The following TMEM245 variants were observed in gnomAD, a reference collection of about 807,000 sequenced individuals.
TMEM245 encodes the protein transmembrane protein 245.
In TMEM245, 69 loss-of-function variants were observed where a neutral mutation model predicts 101.2. That is an observed-to-expected ratio of 0.68 (90% CI 0.56 to 0.83). TMEM245 has a LOEUF of 0.83. Among genes scored for constraint, TMEM245 ranks in the 40% least tolerant of loss-of-function variants. The pLI is 0.00. For synonymous variants in TMEM245, 537 were observed against 449.8 expected, an observed-to-expected ratio of 1.19 and a Z score of -2.45; for missense variants, 1,075 against 1,092.8, an observed-to-expected ratio of 0.98 and a Z score of 0.23.
intron 17 of TMEM245, among the ~76,000 whole-genome samples, chr9:109,029,543 A>T (rs950937316): frequency 6.6e-6 from 1 of 152,252 alleles, no homozygotes; most frequent in Non-Finnish European, 1.5e-5. Flanking sequence ...TATCGGATTA[A>T]GTTTGACATT....
intron 14 of TMEM245, among the ~76,000 whole-genome samples, chr9:109,042,839 A>ATTTTTT (rs754295748): frequency 1.3e-4 from 15 of 115,522 alleles, no homozygotes; most frequent in East Asian, 5.7e-4. Flanking sequence ...ATAGCTGACA[A>ATTTTTT]TTTTTTTTTT....
At chr9:109,073,856 G>GTT (rs904054098) in intron 8 of TMEM245, among the ~76,000 whole-genome samples, 1,387 of 119,760 alleles carry the variant, frequency 0.012, 43 homozygotes, top group Admixed American at 0.018. Context: ...TTTTTTTTTT[G>GTT]TTTTTTTTTT....
At chr9:109,033,192 C>T (rs1828016266) in intron 17 of TMEM245, 115 bp downstream of exon 17, 1 of 1,148,814 alleles carries the variant, frequency 8.7e-7, no homozygotes, top group Non-Finnish European at 1.2e-6. Flanking sequence ...TTTATCACAG[C>T]ATTGGTACTC....
intron 17 of TMEM245, among the ~76,000 whole-genome samples, chr9:109,025,437 C>T (rs535006815): frequency 1.2e-4 from 18 of 152,234 alleles, no homozygotes; most frequent in African/African-American, 4.3e-4. Context: ...GTTAAGAAAG[C>T]GTGTACAAAA....
Position 109,038,053 on chromosome 9 carries a change from T to G in TMEM245, c.2188A>C (p.Thr730Pro). The G allele has an allele frequency of 6.2e-7, 1 of 1,613,256 alleles. No homozygotes were observed. Among genetic ancestry groups the G allele is most frequent in the East Asian group, 2.2e-5 (1 of 44,828 alleles). ...AAGACAATATTGATGCCAAACATAG[T>G]ATGAGTCAGCCAGGTATACAATCCA... is the stretch of plus-strand genomic sequence containing the variant. Reference protein sequence around the residue: ...FYGLYTWLTHTMFGINIVFIP... With the variant: ...FYGLYTWLTHPMFGINIVFIP... The change falls in exon 15 of 18, where the codon ACT becomes CCT. Residue 730 changes from threonine (T) to proline (P), a missense_variant. Thr to Pro is a conservative substitution (Grantham distance 38). Transcript: ENST00000374586.
intron 9 of TMEM245, 57 bp from the exon 10 acceptor site, chr9:109,064,624 T>TA (rs1829110037): frequency 4.8e-6 from 7 of 1,462,322 alleles, no homozygotes; most frequent in East Asian, 2.3e-5. Context: ...AGTGTACCAA[T>TA]AATGCTTTGA....
chr9:109,060,566 A>T (rs1828983214), intron 10 of TMEM245, 114 bp from the exon 11 acceptor site: 1 of 661,402 alleles, frequency 1.5e-6, no homozygotes, highest in Non-Finnish European at 2.6e-6. Context: ...GTTCCAGACT[A>T]TTTATCTCTA....
intron 17 of TMEM245, among the ~76,000 whole-genome samples, chr9:109,025,290 T>C (rs1827760605): frequency 6.6e-6 from 1 of 152,302 alleles, no homozygotes; most frequent in African/African-American, 2.4e-5. Flanking sequence ...CAGGCTGGCC[T>C]CGAATTCCTG....
chr9:109,060,015 T>C (rs1321320244), intron 11 of TMEM245, among the ~76,000 whole-genome samples: 1 of 152,196 alleles, frequency 6.6e-6, no homozygotes. Context: ...ACTAAAAAAC[T>C]AAAACAGGTA....
intron 1 of TMEM245, among the ~76,000 whole-genome samples, chr9:109,111,064 T>C (rs763449244): frequency 2.6e-5 from 4 of 152,018 alleles, no homozygotes; most frequent in African/African-American, 9.6e-5. Flanking sequence ...TAAATGTAGC[T>C]AGGGGAAAAA....
intron 12 of TMEM245, 60 bp from the exon 13 acceptor site, chr9:109,050,752 C>T: frequency 1.3e-6 from 2 of 1,594,908 alleles, no homozygotes; most frequent in South Asian, 2.2e-5. Context: ...TTTCTAGAGC[C>T]ATCTAGTGTG....
Position 109,119,499 on chromosome 9 carries a change from C to A in TMEM245, c.415G>T (p.Gly139Cys). 1 of 1,508,830 alleles carries A rather than the reference C, an allele frequency of 6.6e-7. No individual in the cohort carries two copies. The highest frequency in any genetic ancestry group is 1.2e-5 in the South Asian group (1 of 81,060). The allele number at this position is 1,508,830 out of a possible 1,614,324, so 93.5% of individuals were successfully genotyped here. Reference sequence around the variant, plus strand: ...CGGCGGCGGCGCAGCGCCTGCTCGCCCAGGGCCTCGACGCCGTAGTCGACG... The same window carrying A: ...CGGCGGCGGCGCAGCGCCTGCTCGCACAGGGCCTCGACGCCGTAGTCGACG... ...CFVDYGVEALGEQALRRRRLL... is the reference protein window; with the variant it reads ...CFVDYGVEALCEQALRRRRLL... The change falls in exon 1 of 18, where the codon GGC becomes TGC. Residue 139 changes from glycine to cysteine, a missense_variant. Around this residue, in one of 2 missense-constraint regions of TMEM245, gnomAD observed 808 missense variants for 741.5 expected, o/e 1.09. Coordinates refer to ENST00000374586, the MANE Select transcript of TMEM245 (RefSeq NM_032012.4).
Position 109,079,388 on chromosome 9 carries a change from G to C in TMEM245, c.1449+1451C>G, listed in dbSNP as rs1390254842. On this transcript the variant is annotated intron_variant, in intron 8 of 17. Coordinates refer to ENST00000374586, the MANE Select transcript of TMEM245 (RefSeq NM_032012.4). ...AGACTTTCCATTTGAGCAAGCAGAA[G>C]AATGGAGTTGTCACTGAAGACTATG... Among the ~76,000 whole-genome samples the C allele has an allele frequency of 2.6e-5, 4 of 151,868 alleles. 1 individual carries two copies. Among genetic ancestry groups the C allele is most frequent in the Admixed American group, 2.0e-4 (3 of 15,218 alleles).
At position 109,050,565 on chromosome 9, in the gene TMEM245, C is replaced by T. The variant is rs200474403; in HGVS notation, c.1977+5G>A. Reference sequence around the variant, plus strand: ...TATGACGTGTACTTATCTATGTGGACGTACCAGAGAGAGTACAAAATTGAG... The same window carrying T: ...TATGACGTGTACTTATCTATGTGGATGTACCAGAGAGAGTACAAAATTGAG... On this transcript the variant is annotated splice_donor_5th_base_variant and intron_variant, in intron 13 of 17. Transcript: ENST00000374586. 1.3e-5 allele frequency: 21 copies of T among 1,613,794 alleles called. No homozygotes were observed. The highest frequency in any genetic ancestry group is 1.6e-5 in the Non-Finnish European group (19 of 1,179,946).
intron 3 of TMEM245, 123 bp from the exon 4 acceptor site, chr9:109,093,714 A>C: frequency 1.3e-6 from 1 of 788,562 alleles, no homozygotes; most frequent in South Asian, 1.5e-5. Flanking sequence ...CCACTGAATA[A>C]GTGGTTCTTC....
At chr9:109,037,854 C>A (rs371767612) in intron 15 of TMEM245, among the ~76,000 whole-genome samples, 163 bp downstream of exon 15, 1 of 152,172 alleles carries the variant, frequency 6.6e-6, no homozygotes, top group Non-Finnish European at 1.5e-5. Context: ...AATAAACAAA[C>A]ACATTACAAA....
chr9:109,040,674 T>C (rs1346655089), intron 14 of TMEM245, among the ~76,000 whole-genome samples: 1 of 152,256 alleles, frequency 6.6e-6, no homozygotes, highest in Admixed American at 6.5e-5. Context: ...AGTTCAATAG[T>C]GCTAAGTACA....
chr9:109,094,579 C>T (rs1830091114), intron 3 of TMEM245, among the ~76,000 whole-genome samples: 1 of 152,224 alleles, frequency 6.6e-6, no homozygotes, highest in Non-Finnish European at 1.5e-5. Flanking sequence ...TGGCCCTCTG[C>T]CCAAACAGTC....
At chr9:109,119,230 G>A in intron 1 of TMEM245, 105 bp downstream of exon 1, 3 of 1,084,972 alleles carry the variant, frequency 2.8e-6, no homozygotes, top group South Asian at 3.3e-5. Flanking sequence ...TGCAGCACAG[G>A]TGTGGCCCCT....
Sources: gnomAD v4.1 joint callset for allele counts (sites outside exome capture counted in the v4.1 genomes callset) on GRCh38, gnomAD v4.1.1 for gene constraint, gnomAD v4.1.1 regional missense constraint, MANE v1.5 for transcripts, NCBI Gene and HGNC (gene_info 2026-07-23, HGNC 2026-07-21) for gene names.